Variants in CXADR observed in about 807,000 individuals in gnomAD.
CXADR encodes coxsackievirus and adenovirus receptor.
A neutral mutation model predicts 40.3 loss-of-function variants in CXADR; 20 were observed. The ratio of observed to expected loss-of-function variants is 0.50; its 90% CI spans 0.35 to 0.72. CXADR has a LOEUF of 0.72. Among genes scored for constraint, CXADR ranks in the 30% least tolerant of loss-of-function variants. The probability of loss-of-function intolerance (pLI) is 0.01; values close to 1 mark genes in which losing one functional copy is unlikely to be tolerated. For missense variants in CXADR, 332 were observed against 449.1 expected (o/e 0.74, Z 2.36); for synonymous variants, 150 against 161.3 (o/e 0.93, Z 0.53).
chr21:17,618,697 C>T, the CXADR span, among the ~76,000 whole-genome samples: 4 of 151,964 alleles, frequency 2.6e-5, no homozygotes, highest in African/African-American at 7.3e-5. Context: ...CCACCACGCC[C>T]GGCTAATTTT....
chr21:17,611,571 A>T, the CXADR span: 1 of 152,176 alleles, frequency 6.6e-6, no homozygotes. Context: ...AAAGAGGGAG[A>T]GTTACAGTCA....
chr21:17,611,814 C>T, the CXADR span: 1 of 152,240 alleles, frequency 6.6e-6, no homozygotes, highest in Non-Finnish European at 1.5e-5. Context: ...GAATCAAGCT[C>T]GGCCTCGCAG....
downstream of CXADR, among the ~76,000 whole-genome samples, chr21:17,596,327 T>G (rs2061503512): frequency 6.6e-6 from 1 of 152,056 alleles, no homozygotes; most frequent in Non-Finnish European, 1.5e-5. Flanking sequence ...CCTTATTAGT[T>G]ACTTTTTGTG....
At chr21:17,581,946 T>TTTC (rs200729402) in intron 7 of CXADR, among the ~76,000 whole-genome samples, 2 of 143,484 alleles carry the variant, frequency 1.4e-5, no homozygotes, top group Non-Finnish European at 3.2e-5. Flanking sequence ...TGTTTGTTTG[T>TTTC]TTTGTTTGTT....
At chr21:17,538,677 A>G (rs1435353161) in intron 1 of CXADR, among the ~76,000 whole-genome samples, 1 of 151,998 alleles carries the variant, frequency 6.6e-6, no homozygotes, top group Non-Finnish European at 1.5e-5. Flanking sequence ...ATTAGTGGGC[A>G]TGGTGGCACA....
At chr21:17,606,005 TA>T in the CXADR span, among the ~76,000 whole-genome samples, 1 of 152,228 alleles carries the variant, frequency 6.6e-6, no homozygotes, top group African/African-American at 2.4e-5. Flanking sequence ...AAAGTTTTTG[TA>T]AAAGTTAAAT....
At chr21:17,610,099 A>G in the CXADR span, among the ~76,000 whole-genome samples, 1 of 152,254 alleles carries the variant, frequency 6.6e-6, no homozygotes. Flanking sequence ...GTACGATTCC[A>G]TTGATATGAA....
chr21:17,592,896 A>C (rs549226533), intron 7 of CXADR, among the ~76,000 whole-genome samples: 77 of 152,058 alleles, frequency 5.1e-4, no homozygotes, highest in Middle Eastern at 3.4e-3. Flanking sequence ...CTATTGAGCT[A>C]TACCTTTATG....
chr21:17,549,446 T>C (rs1230136796), intron 2 of CXADR, among the ~76,000 whole-genome samples: 2 of 152,220 alleles, frequency 1.3e-5, no homozygotes, highest in Non-Finnish European at 2.9e-5. Context: ...ATAAATGATA[T>C]TGAAATGATA....
Position 17,566,302 on chromosome 21 carries a change from A to G in CXADR, c.*610A>G. 1 of 984,240 alleles carries G rather than the reference A, an allele frequency of 1.0e-6. No individual in the cohort carries two copies. The highest frequency in any genetic ancestry group is 1.2e-6 in the Non-Finnish European group (1 of 828,824). The allele number at this position is 984,240 out of a possible 1,614,324, so 61.0% of individuals were successfully genotyped here. A position where few individuals can be genotyped will look rare whatever the true frequency, so the allele number is the denominator to read the frequency against. On this transcript the variant is annotated 3_prime_UTR_variant, in exon 7 of 7. Transcript: ENST00000284878. ...GTCATTCATAAACCTTGTCTATGAAATGACTTCTTAAATATTTAGTTGATA... is the reference window on the plus strand; with the variant it reads ...GTCATTCATAAACCTTGTCTATGAAGTGACTTCTTAAATATTTAGTTGATA...
chr21:17,624,682 T>C, the CXADR span, among the ~76,000 whole-genome samples: 2 of 152,204 alleles, frequency 1.3e-5, no homozygotes, highest in Non-Finnish European at 2.9e-5. Flanking sequence ...TGCAATTTCT[T>C]TGCCACATAA....
rs1367513224 is a variant in CXADR, at chr21:17,567,789, A to C, written c.*2097A>C. ...TTGGTTCTTCCTATTCCTGACTTTC[A>C]TATAATGAAAATTATCCTATTGATC... On this transcript the variant is annotated 3_prime_UTR_variant, in exon 7 of 7. Transcript: ENST00000284878. 3.2e-6 allele frequency: 3 copies of C among 929,272 alleles called. No individual in the cohort carries two copies. The highest frequency in any genetic ancestry group is 5.0e-5 in the South Asian group (1 of 20,162). The allele number at this position is 929,272 out of a possible 1,614,324, so 57.6% of individuals were successfully genotyped here.
chr21:17,565,366 G>T, intron 6 of CXADR, 62 bp from the exon 7 acceptor site: 1 of 1,532,140 alleles, frequency 6.5e-7, no homozygotes, highest in Non-Finnish European at 8.9e-7. Context: ...TTCATAGCTT[G>T]CATAATTGTA....
intron 7 of CXADR, among the ~76,000 whole-genome samples, chr21:17,575,784 A>C (rs2061317836): frequency 6.7e-6 from 1 of 149,636 alleles, no homozygotes; most frequent in African/African-American, 2.5e-5. Context: ...AAAATTTTTA[A>C]AGTTAAAAAA....
intron 6 of CXADR, among the ~76,000 whole-genome samples, chr21:17,563,962 G>A (rs868061820): frequency 1.5e-3 from 105 of 69,174 alleles, no homozygotes; most frequent in African/African-American, 3.3e-3. Context: ...AAAAAAAAAA[G>A]GTATTGATAC....
At chr21:17,605,078 G>A in the CXADR span, 2 of 1,459,188 alleles carry the variant, frequency 1.4e-6, no homozygotes, top group South Asian at 1.3e-5. Context: ...ACTTGCCAAG[G>A]TGAGTAATAA....
chr21:17,579,250 A>G (rs1218130920), intron 7 of CXADR, among the ~76,000 whole-genome samples: 1 of 151,896 alleles, frequency 6.6e-6, no homozygotes, highest in Non-Finnish European at 1.5e-5. Context: ...ATAGGATGTT[A>G]TTAGACGGTC....
chr21:17,578,048 G>T (rs922927686), intron 7 of CXADR, among the ~76,000 whole-genome samples: 3 of 151,892 alleles, frequency 2.0e-5, no homozygotes, highest in African/African-American at 7.3e-5. Context: ...TTAACATTTA[G>T]GTTGTTTCCA....
At chr21:17,545,078 T>TG (rs1270487804) in intron 1 of CXADR, among the ~76,000 whole-genome samples, 5 of 99,074 alleles carry the variant, frequency 5.0e-5, no homozygotes, top group Non-Finnish European at 9.0e-5. Context: ...ATGTGTTTTT[T>TG]TTTTTTTTTT....
Sources: gnomAD v4.1 joint callset for allele counts (sites outside exome capture counted in the v4.1 genomes callset) on GRCh38, gnomAD v4.1.1 for gene constraint, MANE v1.5 for transcripts, NCBI Gene and HGNC (gene_info 2026-07-23, HGNC 2026-07-21) for gene names.